EYA3: variants seen among roughly 807,000 people sequenced by gnomAD.
EYA3 encodes EYA transcriptional coactivator and phosphatase 3.
A neutral mutation model predicts 80.0 loss-of-function variants in EYA3; 39 were observed. The observed-to-expected ratio is 0.49, with a 90% CI of 0.38 to 0.64. The LOEUF (loss-of-function observed/expected upper bound fraction) is 0.64. EYA3 is among the 30% of genes least tolerant of loss of function. The pLI is 0.00. For missense variants in EYA3, 523 were observed against 676.1 expected, an observed-to-expected ratio of 0.77 and a Z score of 2.51; for synonymous variants, 206 against 232.8, an observed-to-expected ratio of 0.88 and a Z score of 1.05.
intron 12 of EYA3, 123 bp from the exon 13 acceptor site, chr1:27,997,501 G>A: frequency 1.2e-6 from 1 of 850,842 alleles, no homozygotes. Context: ...AATCTCTTAT[G>A]TGTGGGTGAT....
At chr1:28,040,604 G>T (rs1180828231) in intron 4 of EYA3, among the ~76,000 whole-genome samples, 1 of 152,208 alleles carries the variant, frequency 6.6e-6, no homozygotes, top group Non-Finnish European at 1.5e-5. Context: ...AGAAAGGTGG[G>T]AGGAAAAGTA....
chr1:28,063,330 T>TGGGG (rs147515295), intron 1 of EYA3, among the ~76,000 whole-genome samples: 226 of 146,748 alleles, frequency 1.5e-3, no homozygotes, highest in African/African-American at 5.5e-3. Flanking sequence ...TAATTTTTTT[T>TGGGG]GGGGGGGGAA....
chr1:28,031,777 C>T (rs1006367346), intron 6 of EYA3: 1 of 152,124 alleles, frequency 6.6e-6, no homozygotes, highest in Non-Finnish European at 1.5e-5. Flanking sequence ...AGTACTTTTC[C>T]TGATTATAAA....
At chr1:28,006,758 C>A (rs1641305422) in intron 10 of EYA3, among the ~76,000 whole-genome samples, 2 of 151,796 alleles carry the variant, frequency 1.3e-5, no homozygotes, top group Non-Finnish European at 2.9e-5. Context: ...TAACTAGTAC[C>A]ACACCTAGTG....
intron 2 of EYA3, among the ~76,000 whole-genome samples, chr1:28,056,554 T>A (rs1013269400): frequency 1.3e-5 from 2 of 152,194 alleles, no homozygotes; most frequent in African/African-American, 4.8e-5. Context: ...TGGGCATAAA[T>A]CAATAAGGAA....
chr1:27,971,504 GA>G lies in EYA3; in HGVS notation c.*2961del, dbSNP rs1638722237. 6.6e-6 allele frequency: 1 copy of G among 150,708 alleles called. No homozygotes were observed. Among genetic ancestry groups the G allele is most frequent in the Non-Finnish European group, 1.5e-5 (1 of 68,152 alleles). 9.3% of individuals were successfully genotyped at this position (150,708 alleles called of 1,614,324 possible). On this transcript the variant is annotated 3_prime_UTR_variant, in exon 18 of 18. Coordinates refer to ENST00000373871, the MANE Select transcript of EYA3 (RefSeq NM_001990.4). Reference sequence around the variant, plus strand: ...AGCTAATCAGGAGGCTGAGGTAGGAGAATCGCTTGAACCTGGGAGGCGGAGG... The same window carrying G: ...AGCTAATCAGGAGGCTGAGGTAGGAGATCGCTTGAACCTGGGAGGCGGAGG...
chr1:27,995,449 A>AT (rs1640383754), intron 13 of EYA3, among the ~76,000 whole-genome samples: 2 of 146,834 alleles, frequency 1.4e-5, no homozygotes, highest in Non-Finnish European at 3.0e-5. Context: ...AAAGACAATG[A>AT]GTACAAGCTG....
chr1:28,079,817 A>G (rs1157083996), intron 1 of EYA3, among the ~76,000 whole-genome samples: 1 of 150,666 alleles, frequency 6.6e-6, no homozygotes, highest in East Asian at 2.0e-4. Context: ...TTTGGTAGAG[A>G]CAGGGTCTCG....
intron 6 of EYA3, among the ~76,000 whole-genome samples, chr1:28,033,669 AT>A (rs869214526): frequency 7.9e-6 from 1 of 126,072 alleles, no homozygotes; most frequent in African/African-American, 2.9e-5. Context: ...TATTATTATT[AT>A]TTTTGAGACA....
chr1:27,999,851 C>A, intron 12 of EYA3, 109 bp downstream of exon 12: 2 of 763,052 alleles, frequency 2.6e-6, no homozygotes, highest in East Asian at 2.8e-5. Flanking sequence ...CTGGCCTCTC[C>A]ATATCCACCC....
chr1:27,977,021 A>G (rs1057410277), intron 17 of EYA3: 34 of 985,260 alleles, frequency 3.5e-5, no homozygotes, highest in Non-Finnish European at 4.1e-5. Context: ...CCCAGCCTCA[A>G]TGGATGTATT....
intron 1 of EYA3, among the ~76,000 whole-genome samples, chr1:28,070,783 A>C (rs1571951434): frequency 6.6e-6 from 1 of 152,070 alleles, no homozygotes; most frequent in East Asian, 1.9e-4. Context: ...TAGTGGAAGA[A>C]ATACCCAGGT....
chr1:28,081,878 T>C (rs563271909), intron 1 of EYA3, among the ~76,000 whole-genome samples: 4 of 152,296 alleles, frequency 2.6e-5, no homozygotes, highest in Admixed American at 2.0e-4. Flanking sequence ...AAGAAAACTA[T>C]TGAAATGTTT....
intron 14 of EYA3, among the ~76,000 whole-genome samples, chr1:27,992,512 G>A (rs955728754): frequency 2.0e-5 from 3 of 152,218 alleles, no homozygotes; most frequent in Admixed American, 2.0e-4. Flanking sequence ...CTAACAGGCC[G>A]CTGACTGGTA....
intron 1 of EYA3, among the ~76,000 whole-genome samples, chr1:28,067,298 T>C (rs1472636457): frequency 1.3e-5 from 2 of 152,216 alleles, no homozygotes; most frequent in Non-Finnish European, 2.9e-5. Flanking sequence ...TAAGTTTAAC[T>C]ACACTGTAAC....
At chr1:27,996,385 AT>A (rs1467711755) in intron 13 of EYA3, among the ~76,000 whole-genome samples, 2 of 152,118 alleles carry the variant, frequency 1.3e-5, no homozygotes, top group Non-Finnish European at 2.9e-5. Flanking sequence ...ATGATAAGTA[AT>A]TACTGGTTAG....
chr1:27,974,706 C>T (rs12406483), intron 17 of EYA3, among the ~76,000 whole-genome samples, 160 bp from the exon 18 acceptor site: 34,699 of 152,198 alleles, frequency 0.23, 4,136 homozygotes, highest in Non-Finnish European at 0.27. Flanking sequence ...TAATCATATG[C>T]ATAAGGACCT....
At chr1:27,992,538 G>C (rs1434006558) in intron 14 of EYA3, among the ~76,000 whole-genome samples, 1 of 152,202 alleles carries the variant, frequency 6.6e-6, no homozygotes, top group Non-Finnish European at 1.5e-5. Flanking sequence ...CTGAGGCCCG[G>C]GAATTGGGGA....
At chr1:27,983,853 C>T (rs938379418) in intron 16 of EYA3, among the ~76,000 whole-genome samples, 10 of 152,182 alleles carry the variant, frequency 6.6e-5, no homozygotes, top group African/African-American at 1.2e-4. Flanking sequence ...CAGGGTTTCA[C>T]CATGTTGGTC....
Sources: gnomAD v4.1 joint callset for allele counts (sites outside exome capture counted in the v4.1 genomes callset) on GRCh38, gnomAD v4.1.1 for gene constraint, MANE v1.5 for transcripts, NCBI Gene and HGNC (gene_info 2026-07-23, HGNC 2026-07-21) for gene names.